Variants in NCOA2 observed in about 807,000 individuals in gnomAD.
NCOA2 encodes class E basic helix-loop-helix protein 75.
NCOA2 carries 21 observed loss-of-function variants against 145.1 expected under a neutral mutation model. The ratio of observed to expected loss-of-function variants is 0.14; its 90% CI spans 0.10 to 0.21. The LOEUF (loss-of-function observed/expected upper bound fraction) is 0.21, where lower values mean the gene tolerates loss of function less well. NCOA2 is among the 10% of genes least tolerant of loss of function. The pLI is 1.00. For missense variants in NCOA2, 1,472 were observed against 1,837.6 expected (o/e 0.80, Z 3.64); for synonymous variants, 619 against 637.5 (o/e 0.97, Z 0.44).
chr8:70,181,086 A>G lies in NCOA2; in HGVS notation c.260-6227T>C, dbSNP rs79789356. On this transcript the variant is annotated intron_variant, in intron 4 of 22. Coordinates refer to ENST00000452400, the MANE Select transcript of NCOA2 (RefSeq NM_006540.4). ...CTCATAGTATTAGGTACTCTTAATCAATTTTTTATTAGGCAACTGAACTGA... is the reference window on the plus strand; with the variant it reads ...CTCATAGTATTAGGTACTCTTAATCGATTTTTTATTAGGCAACTGAACTGA... 1.7e-3 allele frequency among the ~76,000 whole-genome samples: 254 copies of G among 152,292 alleles called. 10 individuals carry two copies. In the East Asian group the frequency reaches 0.041, roughly 25 times the overall value.
At chr8:70,326,207 T>C (rs1244211226) in intron 1 of NCOA2, among the ~76,000 whole-genome samples, 2 of 152,206 alleles carry the variant, frequency 1.3e-5, no homozygotes, top group African/African-American at 4.8e-5. Flanking sequence ...TGTACATCTA[T>C]GTATGAAGTA....
At chr8:70,209,002 G>A (rs1463599104) in intron 4 of NCOA2, among the ~76,000 whole-genome samples, 1 of 152,190 alleles carries the variant, frequency 6.6e-6, no homozygotes, top group Non-Finnish European at 1.5e-5. Flanking sequence ...ATAGATCTGG[G>A]CAAAGTACAA....
rs533856096 is a variant in NCOA2, at chr8:70,327,004, C to T, written c.-76-30204G>A. Among the ~76,000 whole-genome samples the T allele has an allele frequency of 2.0e-5, 3 of 152,296 alleles. No homozygotes were observed. The East Asian group carries it at 5.8e-4, about 29-fold the overall frequency. ...TTCACTCAGTCCTGTCCCAGTAGTC[C>T]TTTACCAGCCACTAACTCACTTCAC... is the stretch of plus-strand genomic sequence containing the variant. On this transcript the variant is annotated intron_variant, in intron 1 of 22. Coordinates refer to ENST00000452400, the MANE Select transcript of NCOA2 (RefSeq NM_006540.4).
At chr8:70,399,931 C>T (rs1385098605) in intron 1 of NCOA2, among the ~76,000 whole-genome samples, 1 of 152,198 alleles carries the variant, frequency 6.6e-6, no homozygotes, top group East Asian at 1.9e-4. Flanking sequence ...AGCTACGGTA[C>T]TGAATCCTTA....
chr8:70,431,452 T>C, the NCOA2 span, among the ~76,000 whole-genome samples: 1 of 152,232 alleles, frequency 6.6e-6, no homozygotes, highest in African/African-American at 2.4e-5. Flanking sequence ...GCATAATATA[T>C]GTAGCACTAA....
At chr8:70,290,538 A>G (rs1826593203) in intron 2 of NCOA2, among the ~76,000 whole-genome samples, 1 of 152,282 alleles carries the variant, frequency 6.6e-6, no homozygotes, top group South Asian at 2.1e-4. Flanking sequence ...ATAGCAAACA[A>G]GGCTTAGACA....
the NCOA2 span, among the ~76,000 whole-genome samples, chr8:70,439,759 T>C: frequency 2.0e-5 from 3 of 152,276 alleles, no homozygotes; most frequent in South Asian, 6.2e-4. Context: ...CTTCTGCTGC[T>C]CTGTGCCAAG....
chr8:70,187,034 T>A (rs1816150141), intron 4 of NCOA2, among the ~76,000 whole-genome samples: 1 of 152,198 alleles, frequency 6.6e-6, no homozygotes, highest in Non-Finnish European at 1.5e-5. Context: ...TGGCAGTGAA[T>A]CATCAACCAA....
At chr8:70,443,738 A>C in the NCOA2 span, among the ~76,000 whole-genome samples, 1 of 152,108 alleles carries the variant, frequency 6.6e-6, no homozygotes, top group African/African-American at 2.4e-5. Flanking sequence ...GCTAATAAAA[A>C]AAACTTTTTT....
At chr8:70,118,715 T>G (rs532063767) in intron 22 of NCOA2, among the ~76,000 whole-genome samples, 52 of 149,012 alleles carry the variant, frequency 3.5e-4, no homozygotes, top group African/African-American at 1.2e-3. Context: ...TGAGACAGAG[T>G]TTTGCTCTTG....
the NCOA2 span, among the ~76,000 whole-genome samples, chr8:70,435,154 G>C: frequency 1.3e-5 from 2 of 152,016 alleles, no homozygotes; most frequent in East Asian, 3.9e-4. Flanking sequence ...GGCCGGGCGC[G>C]GTGGCTCACG....
chr8:70,194,070 G>A (rs955972153), intron 4 of NCOA2, among the ~76,000 whole-genome samples: 2 of 152,210 alleles, frequency 1.3e-5, no homozygotes, highest in African/African-American at 4.8e-5. Context: ...ATCCAAGTCC[G>A]TTTTAAATGA....
At chr8:70,390,275 A>G (rs565663451) in intron 1 of NCOA2, among the ~76,000 whole-genome samples, 30 of 152,342 alleles carry the variant, frequency 2.0e-4, no homozygotes, top group African/African-American at 7.0e-4. Context: ...TAGCCTAACA[A>G]TGACTCTAAG....
At chr8:70,258,057 A>G (rs1303885742) in intron 2 of NCOA2, among the ~76,000 whole-genome samples, 1 of 152,144 alleles carries the variant, frequency 6.6e-6, no homozygotes, top group East Asian at 1.9e-4. Flanking sequence ...AGCTGGGATC[A>G]GAGGCACACC....
intron 2 of NCOA2, among the ~76,000 whole-genome samples, chr8:70,292,001 G>A (rs1376142883): frequency 2.0e-5 from 3 of 151,548 alleles, no homozygotes; most frequent in Non-Finnish European, 2.9e-5. Context: ...CATGAACCTG[G>A]GAGGCGGAGC....
At chr8:70,302,639 C>A (rs1219601835) in intron 1 of NCOA2, among the ~76,000 whole-genome samples, 1 of 152,126 alleles carries the variant, frequency 6.6e-6, no homozygotes, top group East Asian at 1.9e-4. Flanking sequence ...CAAATTAATA[C>A]AGATAAATTT....
intron 2 of NCOA2, among the ~76,000 whole-genome samples, chr8:70,284,682 GTGT>G (rs1391062684): frequency 6.6e-6 from 1 of 152,188 alleles, no homozygotes; most frequent in African/African-American, 2.4e-5. Context: ...GAACGTGTGT[GTGT>G]TGTGTGTGTG....
At position 70,216,653 on chromosome 8, in the gene NCOA2, A is replaced by G. The variant is rs751738147; in HGVS notation, c.86+7T>C. 1 of 1,605,008 alleles carries G rather than the reference A, an allele frequency of 6.2e-7. No individual in the cohort carries two copies. Among genetic ancestry groups the G allele is most frequent in the South Asian group, 1.1e-5 (1 of 90,904 alleles). On this transcript the variant is annotated splice_region_variant and intron_variant, in intron 3 of 22. Coordinates refer to ENST00000452400, the MANE Select transcript of NCOA2 (RefSeq NM_006540.4). ...ATACTGATTCCTTTTCTCAGCAAGA[A>G]TCTAACCTGGGTCCAAGTTGGTCAG...
chr8:70,432,582 G>A, the NCOA2 span, among the ~76,000 whole-genome samples: 15 of 152,256 alleles, frequency 9.9e-5, no homozygotes, highest in African/African-American at 3.4e-4. Context: ...AGGATTGCTT[G>A]AACCCAGGAG....
Sources: allele counts gnomAD v4.1 joint callset (sites outside exome capture counted in the v4.1 genomes callset), GRCh38; gene constraint gnomAD v4.1.1; transcripts MANE v1.5; gene names NCBI Gene and HGNC (gene_info 2026-07-23, HGNC 2026-07-21).